The following AAGAB variants were observed in gnomAD, a reference collection of about 807,000 sequenced individuals.
The protein encoded by AAGAB is alpha- and gamma-adaptin-binding protein p34.
Under a neutral mutation model 44.1 loss-of-function variants are expected in AAGAB, and 38 were observed. The observed-to-expected ratio is 0.86, with a 90% confidence interval of 0.67 to 1.13. The LOEUF is 1.13. Among genes scored for constraint, AAGAB ranks in the 50% most tolerant of loss-of-function variants. The probability of loss-of-function intolerance (pLI) is 0.00; values close to 1 mark genes in which losing one functional copy is unlikely to be tolerated. For missense variants in AAGAB, 450 were observed against 373.8 expected, an observed-to-expected ratio of 1.20 and a Z score of -1.68; for synonymous variants, 131 against 131.8, an observed-to-expected ratio of 0.99 and a Z score of 0.04.
chr15:67,221,874 T>C (rs1439691680), intron 5 of AAGAB, among the ~76,000 whole-genome samples: 1 of 152,186 alleles, frequency 6.6e-6, no homozygotes, highest in East Asian at 1.9e-4. Context: ...ATTTTATGGA[T>C]GTTGTCCTCT....
At chr15:67,226,386 T>C (rs887796537) in intron 5 of AAGAB, among the ~76,000 whole-genome samples, 1 of 152,156 alleles carries the variant, frequency 6.6e-6, no homozygotes, top group Non-Finnish European at 1.5e-5. Flanking sequence ...CCTCCCAAAG[T>C]GCTGGGATTT....
intron 5 of AAGAB, among the ~76,000 whole-genome samples, chr15:67,227,524 G>T (rs1452377297): frequency 6.6e-6 from 1 of 151,756 alleles, no homozygotes; most frequent in Admixed American, 6.6e-5. Context: ...GAGAAAAGGG[G>T]AGAAAATAAA....
intron 5 of AAGAB, among the ~76,000 whole-genome samples, chr15:67,214,672 G>C (rs1055155355): frequency 1.3e-5 from 2 of 150,998 alleles, no homozygotes; most frequent in South Asian, 2.1e-4. Flanking sequence ...ACGGAGTCTC[G>C]CTCTGTCACC....
chr15:67,242,623 G>C (rs974721454), intron 1 of AAGAB: 4 of 152,182 alleles, frequency 2.6e-5, no homozygotes, highest in Non-Finnish European at 5.9e-5. Flanking sequence ...TGCTCCAGTG[G>C]AAAGGGACTT....
At chr15:67,251,213 TGC>T (rs1170676504) in intron 1 of AAGAB, among the ~76,000 whole-genome samples, 1 of 148,050 alleles carries the variant, frequency 6.8e-6, no homozygotes, top group Non-Finnish European at 1.5e-5. Context: ...TTATTTTAAG[TGC>T]GTGTGTGTGT....
At chr15:67,245,992 C>T (rs1355653906) in intron 1 of AAGAB, among the ~76,000 whole-genome samples, 1 of 152,174 alleles carries the variant, frequency 6.6e-6, no homozygotes, top group Non-Finnish European at 1.5e-5. Context: ...CTTTTTTCCA[C>T]TTCTGTGTCA....
Position 67,209,487 on chromosome 15 carries a change from C to A in AAGAB, c.593G>T (p.Gly198Val), listed in dbSNP as rs1963760435. Reference protein sequence around the residue: ...NSLTGTNHSIGSADPCHPEQP... With the variant: ...NSLTGTNHSIVSADPCHPEQP... ...CTCTGGGTGACAGGGATCTGCTGAC[C>A]CAATGCTATGGTTTGTTCCAGTCAA... Residue 198 changes from glycine to valine, a missense_variant, in exon 6 of 10, where the codon GGG becomes GTG. By Grantham distance (109) the Gly-to-Val change is moderately radical. Transcript: ENST00000261880. 6.2e-7 allele frequency: 1 copy of A among 1,614,076 alleles called. No individual in the cohort carries two copies. The highest frequency in any genetic ancestry group is 8.5e-7 in the Non-Finnish European group (1 of 1,179,968).
At chr15:67,238,984 C>G (rs889372487) in intron 1 of AAGAB, among the ~76,000 whole-genome samples, 19 of 152,202 alleles carry the variant, frequency 1.2e-4, no homozygotes, top group Non-Finnish European at 1.5e-4. Context: ...CATGAGCCAC[C>G]ATGCCCACCC....
chr15:67,246,564 T>A (rs1038495165), intron 1 of AAGAB, among the ~76,000 whole-genome samples: 18 of 152,182 alleles, frequency 1.2e-4, no homozygotes, highest in Admixed American at 3.9e-4. Flanking sequence ...TTTTCATACC[T>A]TTGAGAGATG....
intron 5 of AAGAB, among the ~76,000 whole-genome samples, chr15:67,212,218 G>C (rs1963840317): frequency 6.6e-6 from 1 of 152,180 alleles, no homozygotes; most frequent in Non-Finnish European, 1.5e-5. Flanking sequence ...CCTGCAAAGA[G>C]AACTGGGAGG....
intron 6 of AAGAB, 107 bp from the exon 7 acceptor site, chr15:67,208,765 A>G (rs567107219): frequency 1.6e-5 from 14 of 884,694 alleles, no homozygotes; most frequent in Admixed American, 2.5e-5. Flanking sequence ...GAAAAGAGTA[A>G]TAGGAACTGG....
At chr15:67,234,418 CA>C in intron 4 of AAGAB, among the ~76,000 whole-genome samples, 1 of 152,004 alleles carries the variant, frequency 6.6e-6, no homozygotes, top group East Asian at 1.9e-4. Flanking sequence ...AACCAGGAAC[CA>C]AAAATGTGGT....
In AAGAB at chr15:67,234,086, CA is replaced by C. The variant is rs34634730; in HGVS notation, c.451+1892del. Among the ~76,000 whole-genome samples the C allele has an allele frequency of 3.8e-3, 443 of 116,186 alleles. 2 individuals carry two copies. The highest frequency in any genetic ancestry group is 4.3e-3 in the Non-Finnish European group (236 of 54,654). 76.2% of individuals were successfully genotyped at this position (116,186 alleles called of 152,430 possible). A position where few individuals can be genotyped will look rare whatever the true frequency, so the allele number is the denominator to read the frequency against. ...TGAAACACCGTCTCTACTAAAAATACAAAAAAAAAAAAAAAAATTACCCAGG... is the reference window on the plus strand; with the variant it reads ...TGAAACACCGTCTCTACTAAAAATACAAAAAAAAAAAAAAAATTACCCAGG... On this transcript the variant is annotated intron_variant, in intron 4 of 9. Transcript: ENST00000261880.
chr15:67,225,179 C>T (rs1362116167), intron 5 of AAGAB, among the ~76,000 whole-genome samples: 1 of 152,160 alleles, frequency 6.6e-6, no homozygotes, highest in African/African-American at 2.4e-5. Context: ...TGTGCAAACA[C>T]GTTTGAGAAC....
chr15:67,236,486 C>T lies in AAGAB; in HGVS notation c.283G>A (p.Val95Ile), dbSNP rs1964468853. Residue 95 changes from valine (V) to isoleucine (I), a missense_variant, in exon 3 of 10, where the codon GTC becomes ATC. By Grantham distance (29) the Val-to-Ile change is conservative. Transcript: ENST00000261880. ...TTTGCCAGTGGAAGCCATGAGGAGA[C>T]ACTATCAAGGCCCGATTTCTAGAGG... ...DSTQKSGLDS[V>I]SSWLPLAKAW... 1 of 1,613,864 alleles carries T rather than the reference C, an allele frequency of 6.2e-7. No individual in the cohort carries two copies. The highest frequency in any genetic ancestry group is 1.3e-5 in the African/African-American group (1 of 74,870).
chr15:67,236,677 T>A lies in AAGAB; in HGVS notation c.217A>T (p.Ile73Phe), dbSNP rs746792468. The change falls in exon 2 of 10, where the codon ATT becomes TTT. Residue 73 changes from isoleucine to phenylalanine, a missense_variant. Physicochemically the swap from Ile to Phe is conservative, Grantham distance 21. Transcript: ENST00000261880. The part of the protein sequence containing the change: ...VPNKFLVTAE[I>F]AESVQAFVVY... ...ACAAATGCTTGGACAGATTCTGCAA[T>A]CTCTGCAGTAACAAGAAATTTGTTT... is the stretch of plus-strand genomic sequence containing the variant. 1 of 1,614,136 alleles carries A rather than the reference T, an allele frequency of 6.2e-7. No individual in the cohort carries two copies.
intron 5 of AAGAB, among the ~76,000 whole-genome samples, chr15:67,210,254 C>T (rs1322459393): frequency 2.0e-5 from 3 of 152,188 alleles, no homozygotes; most frequent in African/African-American, 4.8e-5. Context: ...CGGTGGCTCA[C>T]GCCTGTAATC....
chr15:67,248,847 T>C (rs1471042299), intron 1 of AAGAB, among the ~76,000 whole-genome samples: 1 of 152,166 alleles, frequency 6.6e-6, no homozygotes, highest in Non-Finnish European at 1.5e-5. Context: ...TTTCTATGGG[T>C]AAATGCATGT....
chr15:67,217,418 T>A (rs552134494), intron 5 of AAGAB, among the ~76,000 whole-genome samples: 1 of 152,322 alleles, frequency 6.6e-6, no homozygotes, highest in Admixed American at 6.5e-5. Context: ...AACATTAGAG[T>A]CAAATTTGTA....
Sources: allele counts gnomAD v4.1 joint callset (sites outside exome capture counted in the v4.1 genomes callset), GRCh38; gene constraint gnomAD v4.1.1; transcripts MANE v1.5; gene names NCBI Gene and HGNC (gene_info 2026-07-23, HGNC 2026-07-21).